The following SH3RF3 variants were observed in gnomAD, a reference collection of about 807,000 sequenced individuals.
The protein encoded by SH3RF3 is SH3 domain containing ring finger 3.
Under a neutral mutation model 66.3 loss-of-function variants are expected in SH3RF3, and 29 were observed. That is an observed-to-expected ratio of 0.44 (90% CI 0.33 to 0.60). The LOEUF (loss-of-function observed/expected upper bound fraction) is 0.60, where lower values mean the gene tolerates loss of function less well. SH3RF3 is among the 20% of genes least tolerant of loss of function. The probability of loss-of-function intolerance (pLI) is 0.04; values close to 1 mark genes in which losing one functional copy is unlikely to be tolerated. For missense variants in SH3RF3, 1,194 were observed against 1,190.9 expected (o/e 1.00, Z -0.04); for synonymous variants, 583 against 532.0 (o/e 1.10, Z -1.32).
At chr2:109,275,791 G>T (rs1241461287) in intron 1 of SH3RF3, among the ~76,000 whole-genome samples, 2 of 152,332 alleles carry the variant, frequency 1.3e-5, no homozygotes, top group Non-Finnish European at 2.9e-5. Flanking sequence ...ATGAAGCGAG[G>T]CACAGTGAGA....
intron 1 of SH3RF3, among the ~76,000 whole-genome samples, chr2:109,202,746 C>T (rs374037783): frequency 2.6e-5 from 4 of 152,152 alleles, no homozygotes; most frequent in African/African-American, 9.7e-5. Context: ...GTGGGGCTGT[C>T]GACAGCCCTT....
chr2:109,248,204 A>G (rs1679967169), intron 1 of SH3RF3, among the ~76,000 whole-genome samples: 1 of 152,180 alleles, frequency 6.6e-6, no homozygotes, highest in African/African-American at 2.4e-5. Context: ...TCATTGCTAT[A>G]TATGTTGATT....
chr2:109,322,729 T>C (rs1374351366), intron 1 of SH3RF3, among the ~76,000 whole-genome samples: 2 of 152,220 alleles, frequency 1.3e-5, no homozygotes, highest in African/African-American at 4.8e-5. Context: ...AAGAGGTAGA[T>C]GATCAGCTCA....
intron 2 of SH3RF3, among the ~76,000 whole-genome samples, chr2:109,351,832 C>G (rs1247140558): frequency 6.6e-6 from 1 of 152,236 alleles, no homozygotes; most frequent in African/African-American, 2.4e-5. Context: ...CTCGATTTGT[C>G]CTGATCTGGT....
chr2:109,199,161 C>A (rs1194229115), intron 1 of SH3RF3, among the ~76,000 whole-genome samples: 4 of 151,832 alleles, frequency 2.6e-5, no homozygotes, highest in African/African-American at 7.3e-5. Context: ...AGATCGAGAC[C>A]ATCCTGGCTA....
chr2:109,390,011 AAATT>A (rs1675940656), intron 3 of SH3RF3, among the ~76,000 whole-genome samples: 1 of 152,126 alleles, frequency 6.6e-6, no homozygotes, highest in Admixed American at 6.6e-5. Context: ...GCGCCCTGGG[AAATT>A]AATCACTTTG....
At chr2:109,346,548 T>G (rs967991715) in intron 1 of SH3RF3, among the ~76,000 whole-genome samples, 3 of 152,130 alleles carry the variant, frequency 2.0e-5, no homozygotes, top group African/African-American at 7.2e-5. Context: ...GATTGACCTC[T>G]GGCAAAGCTC....
At chr2:109,487,676 C>T (rs1265424923) in intron 8 of SH3RF3, among the ~76,000 whole-genome samples, 2 of 152,182 alleles carry the variant, frequency 1.3e-5, no homozygotes, top group Admixed American at 6.5e-5. Context: ...AGCAGGGCCT[C>T]AGCGTCTCCA....
At chr2:109,279,166 T>G (rs1378823666) in intron 1 of SH3RF3, among the ~76,000 whole-genome samples, 1 of 152,160 alleles carries the variant, frequency 6.6e-6, no homozygotes, top group Non-Finnish European at 1.5e-5. Flanking sequence ...AGAGCTGTGG[T>G]CCGGATTCCA....
chr2:109,337,884 C>T (rs1682461437), intron 1 of SH3RF3, among the ~76,000 whole-genome samples: 2 of 151,916 alleles, frequency 1.3e-5, no homozygotes, highest in Admixed American at 6.5e-5. Flanking sequence ...TGCACCACCA[C>T]GCCTGGCTAA....
At chr2:109,275,411 G>T (rs775355689) in intron 1 of SH3RF3, among the ~76,000 whole-genome samples, 1 of 152,184 alleles carries the variant, frequency 6.6e-6, no homozygotes, top group Non-Finnish European at 1.5e-5. Context: ...GGAGGGTTCC[G>T]TGACCCTCCA....
At chr2:109,210,001 G>T (rs1245309793) in intron 1 of SH3RF3, among the ~76,000 whole-genome samples, 1 of 152,130 alleles carries the variant, frequency 6.6e-6, no homozygotes, top group Non-Finnish European at 1.5e-5. Context: ...AGTAACCTCT[G>T]TTATACTTTC....
intron 1 of SH3RF3, among the ~76,000 whole-genome samples, chr2:109,225,244 GATA>G (rs1679346350): frequency 6.6e-6 from 1 of 152,138 alleles, no homozygotes; most frequent in Non-Finnish European, 1.5e-5. Context: ...TTTTAATAAC[GATA>G]ATAATAAAGA....
At chr2:109,465,003 ACTGACCTT>A (rs1678301488) in intron 8 of SH3RF3, among the ~76,000 whole-genome samples, 2 of 152,212 alleles carry the variant, frequency 1.3e-5, no homozygotes, top group Non-Finnish European at 2.9e-5. Context: ...CCTGGCAACC[ACTGACCTT>A]TTTACTGCCT....
chr2:109,139,223 G>T (rs570454959), intron 1 of SH3RF3, among the ~76,000 whole-genome samples: 81 of 152,238 alleles, frequency 5.3e-4, no homozygotes, highest in African/African-American at 1.9e-3. Flanking sequence ...AACCAGATGT[G>T]TTTGCATGAG....
intron 5 of SH3RF3, among the ~76,000 whole-genome samples, chr2:109,430,806 G>T (rs1225016401): frequency 6.6e-6 from 1 of 152,162 alleles, no homozygotes; most frequent in Non-Finnish European, 1.5e-5. Context: ...CTGAAGCCCA[G>T]AGTTGGTCCT....
At chr2:109,230,909 G>C (rs1344183326) in intron 1 of SH3RF3, among the ~76,000 whole-genome samples, 1 of 152,168 alleles carries the variant, frequency 6.6e-6, no homozygotes, top group Non-Finnish European at 1.5e-5. Flanking sequence ...CTCCCATCTC[G>C]GCTAAGGGAC....
chr2:109,340,261 A>G (rs776185904), intron 1 of SH3RF3, among the ~76,000 whole-genome samples: 32 of 152,128 alleles, frequency 2.1e-4, no homozygotes, highest in Non-Finnish European at 3.4e-4. Context: ...TAAAGTGCAG[A>G]TAATATAAGG....
intron 6 of SH3RF3, 94 bp downstream of exon 6, chr2:109,432,765 G>C (rs554133329): frequency 7.5e-6 from 11 of 1,458,844 alleles, no homozygotes; most frequent in African/African-American, 1.4e-5. Flanking sequence ...TCTGTCAGCC[G>C]GGCCCAGAAG....
Sources: gnomAD v4.1 joint callset for allele counts (sites outside exome capture counted in the v4.1 genomes callset) on GRCh38, gnomAD v4.1.1 for gene constraint, MANE v1.5 for transcripts, NCBI Gene and HGNC (gene_info 2026-07-23, HGNC 2026-07-21) for gene names.